SNX10: variants seen among roughly 807,000 people sequenced by gnomAD.
The protein encoded by SNX10 is sorting nexin-10.
Under a neutral mutation model 28.5 loss-of-function variants are expected in SNX10, and 25 were observed. That is an observed-to-expected ratio of 0.88 (90% confidence interval 0.64 to 1.22). The LOEUF is 1.22. Among genes scored for constraint, SNX10 ranks in the 50% most tolerant of loss-of-function variants. SNX10 has a pLI of 0.00. For missense variants in SNX10, 223 were observed against 242.6 expected (o/e 0.92, Z 0.54); for synonymous variants, 62 against 81.4 (o/e 0.76, Z 1.28).
chr7:26,294,833 A>T (rs1786051082), intron 1 of SNX10, among the ~76,000 whole-genome samples: 1 of 152,198 alleles, frequency 6.6e-6, no homozygotes, highest in Non-Finnish European at 1.5e-5. Flanking sequence ...GTGGAAACTG[A>T]GGCACAAAGC....
intron 1 of SNX10, among the ~76,000 whole-genome samples, chr7:26,293,466 A>G (rs1241043380): frequency 6.6e-6 from 1 of 152,134 alleles, no homozygotes; most frequent in Non-Finnish European, 1.5e-5. Context: ...TCGGCCTCCC[A>G]AAGTGCTAGG....
chr7:26,336,434 T>G lies in SNX10; in HGVS notation c.-23-9986T>G, dbSNP rs114160531. On this transcript the variant is annotated intron_variant, in intron 1 of 6. Coordinates refer to ENST00000338523, the MANE Select transcript of SNX10 (RefSeq NM_013322.3). ...TAATACTGTTTGAGGCCGGGCATAG[T>G]GGCTCACGCCTGTAATCCCTACACT... 1.7e-3 allele frequency among the ~76,000 whole-genome samples: 251 copies of G among 151,920 alleles called. 1 individual carries two copies. Among genetic ancestry groups the G allele is most frequent in the African/African-American group, 5.8e-3 (241 of 41,446 alleles).
intron 2 of SNX10, chr7:26,357,056 A>T: frequency 1.6e-6 from 2 of 1,225,930 alleles, no homozygotes; most frequent in Non-Finnish European, 2.1e-6. Context: ...TGGATGTATG[A>T]GGCATTCAAG....
At chr7:26,301,447 G>A (rs1044939130) in intron 1 of SNX10, among the ~76,000 whole-genome samples, 3 of 152,104 alleles carry the variant, frequency 2.0e-5, no homozygotes, top group African/African-American at 4.8e-5. Flanking sequence ...AAGGTGCTGT[G>A]CCTTAAGAAG....
At position 26,373,694 on chromosome 7, in the gene SNX10, T is replaced by C. The variant is rs1199088269; in HGVS notation, c.*1122T>C. 6.6e-6 allele frequency: 1 copy of C among 152,146 alleles called. No homozygotes were observed. The highest frequency in any genetic ancestry group is 2.1e-4 in the South Asian group (1 of 4,830). 9.4% of individuals were successfully genotyped at this position (152,146 alleles called of 1,614,324 possible). ...ATAATTACCCAAGTTTCATCCATGT[T>C]GAATGGTACAAAATATTTCTGTGAA... On this transcript the variant is annotated 3_prime_UTR_variant, in exon 7 of 7. Transcript: ENST00000338523. This position sits in a 1 kb window ranked among gnomAD's most constrained non-coding sequence, Gnocchi z 4.2.
intron 2 of SNX10, chr7:26,354,253 T>C (rs1788729027): frequency 1.3e-5 from 2 of 152,260 alleles, no homozygotes; most frequent in Admixed American, 1.3e-4. Context: ...AACATCTTTC[T>C]ACGTGCTTGT....
At chr7:26,352,231 G>A (rs1433018283) in intron 2 of SNX10, among the ~76,000 whole-genome samples, 1 of 152,040 alleles carries the variant, frequency 6.6e-6, no homozygotes, top group African/African-American at 2.4e-5. Context: ...AAACAAAATA[G>A]TATTTATAAA....
intron 5 of SNX10, among the ~76,000 whole-genome samples, chr7:26,366,219 A>C (rs1562821596): frequency 6.6e-6 from 1 of 152,216 alleles, no homozygotes; most frequent in Non-Finnish European, 1.5e-5. Context: ...CCTTAGAGCT[A>C]GCCTGAAATA....
chr7:26,370,683 AT>A (rs1244103815), intron 5 of SNX10: 1 of 152,140 alleles, frequency 6.6e-6, no homozygotes, highest in Non-Finnish European at 1.5e-5. Flanking sequence ...GCCAAAAGAG[AT>A]TTACTTTCCT....
At chr7:26,355,512 G>A (rs1368711876) in intron 2 of SNX10, among the ~76,000 whole-genome samples, 1 of 152,104 alleles carries the variant, frequency 6.6e-6, no homozygotes, top group East Asian at 1.9e-4. Context: ...CAGCATAGAG[G>A]ACCTCTGCTT....
chr7:26,365,854 T>C (rs1308600037), intron 5 of SNX10, among the ~76,000 whole-genome samples: 1 of 152,086 alleles, frequency 6.6e-6, no homozygotes, highest in Non-Finnish European at 1.5e-5. Context: ...ACTTACTAGC[T>C]GGGGGCTTGG....
intron 1 of SNX10, among the ~76,000 whole-genome samples, chr7:26,327,464 T>C (rs1168288412): frequency 6.6e-6 from 1 of 152,190 alleles, no homozygotes; most frequent in African/African-American, 2.4e-5. Context: ...TGTGATACTG[T>C]GTGAACTGCA....
rs370584288 is a variant in SNX10 at position 26,341,645 on chromosome 7, C to T, written c.-23-4775C>T. ...AAGTAGCTGTTTATGCCAGCATGCC[C>T]GGCTAATTTTTGTATTTTCAGTAGA... On this transcript the variant is annotated intron_variant, in intron 1 of 6. Coordinates refer to ENST00000338523, the MANE Select transcript of SNX10 (RefSeq NM_013322.3). Among the ~76,000 whole-genome samples the T allele has an allele frequency of 3.3e-5, 5 of 152,032 alleles. No homozygotes were observed. The East Asian group carries it at 5.8e-4, about 18-fold the overall frequency.
intron 2 of SNX10, among the ~76,000 whole-genome samples, chr7:26,351,816 C>T (rs1788618712): frequency 6.6e-6 from 1 of 151,652 alleles, no homozygotes; most frequent in South Asian, 2.1e-4. Flanking sequence ...GCCACCACGC[C>T]CAGCCAATTT....
chr7:26,369,437 A>T (rs908295708), intron 5 of SNX10, among the ~76,000 whole-genome samples: 2 of 152,214 alleles, frequency 1.3e-5, no homozygotes, highest in Non-Finnish European at 2.9e-5. Flanking sequence ...ACTCTCAAAA[A>T]TTTTCATTTT....
rs145175927 is a variant in SNX10, at chr7:26,372,555, G to C, written c.589G>C (p.Ala197Pro). Residue 197 changes from alanine (A) to proline (P), a missense_variant, in exon 7 of 7, where the codon GCT becomes CCT. Physicochemically the swap from Ala to Pro is conservative, Grantham distance 27 (BLOSUM62 -1). Coordinates refer to ENST00000338523, the MANE Select transcript of SNX10 (RefSeq NM_013322.3). ...SSSHGCKVNT[A>P]PQES The stretch of plus-strand genomic sequence containing the variant: ...TTCACATGGATGTAAAGTAAATACA[G>C]CTCCGCAGGAATCCTGAAAAATAAT... 1.3e-6 allele frequency: 2 copies of C among 1,598,384 alleles called. No homozygotes were observed. The highest frequency in any genetic ancestry group is 1.7e-6 in the Non-Finnish European group (2 of 1,165,910).
intron 1 of SNX10, among the ~76,000 whole-genome samples, chr7:26,317,639 T>G (rs986257415): frequency 2.6e-5 from 4 of 151,622 alleles, no homozygotes; most frequent in Admixed American, 2.6e-4. Flanking sequence ...ATTGAATATT[T>G]AATGGTGATC....
intron 1 of SNX10, among the ~76,000 whole-genome samples, chr7:26,296,413 G>A (rs1315768608): frequency 6.6e-6 from 1 of 152,120 alleles, no homozygotes; most frequent in Non-Finnish European, 1.5e-5. Flanking sequence ...CTTCTTGGGA[G>A]GTCGAGGTAG....
At chr7:26,353,461 G>GGC (rs1554359916) in intron 2 of SNX10, among the ~76,000 whole-genome samples, 2 of 42,398 alleles carry the variant, frequency 4.7e-5, no homozygotes, top group Admixed American at 2.9e-4. Context: ...TTTTTTTTTT[G>GGC]GTGGGGAGAC....
Sources: gnomAD v4.1 joint callset for allele counts (sites outside exome capture counted in the v4.1 genomes callset) on GRCh38, gnomAD v4.1.1 for gene constraint, Gnocchi (gnomAD v3.1) non-coding constraint, MANE v1.5 for transcripts, NCBI Gene and HGNC (gene_info 2026-07-23, HGNC 2026-07-21) for gene names.